PLA2G12A: variants seen among roughly 807,000 people sequenced by gnomAD.
PLA2G12A encodes group XIIA secretory phospholipase A2.
A neutral mutation model predicts 16.0 loss-of-function variants in PLA2G12A; 11 were observed. The observed-to-expected ratio is 0.69, with a 90% CI of 0.43 to 1.13. The LOEUF (loss-of-function observed/expected upper bound fraction) is 1.13. Ranked by LOEUF, PLA2G12A falls within the 50% of genes most tolerant of loss-of-function variation. The pLI is 0.00. For synonymous variants in PLA2G12A, 77 were observed against 93.8 expected, an observed-to-expected ratio of 0.82 and a Z score of 1.03; for missense variants, 214 against 237.3, an observed-to-expected ratio of 0.90 and a Z score of 0.65.
At chr4:109,718,856 T>C (rs1383803915) in intron 1 of PLA2G12A, 97 bp from the exon 2 acceptor site, 8 of 763,922 alleles carry the variant, frequency 1.0e-5, no homozygotes, top group East Asian at 2.8e-5. Context: ...CTTAGAAATA[T>C]GTAATATTTA....
chr4:109,718,820 C>A, intron 1 of PLA2G12A, 61 bp from the exon 2 acceptor site: 1 of 1,119,716 alleles, frequency 8.9e-7, no homozygotes, highest in Non-Finnish European at 1.3e-6. Flanking sequence ...AATACATACT[C>A]AAAAAGGTCA....
At chr4:109,716,232 T>C (rs1268372831) in intron 3 of PLA2G12A, among the ~76,000 whole-genome samples, 1 of 152,224 alleles carries the variant, frequency 6.6e-6, no homozygotes, top group African/African-American at 2.4e-5. Flanking sequence ...ACATGAATTA[T>C]TAGGATATTA....
chr4:109,720,597 AAAAAAAAATATATATATATATATATAT>A, intron 1 of PLA2G12A, among the ~76,000 whole-genome samples: 1 of 27,622 alleles, frequency 3.6e-5, no homozygotes, highest in South Asian at 1.5e-3. Context: ...AAAAAAAAAA[AAAAAAAAATATATATATATATATATAT>A]ATATATATAT....
intron 1 of PLA2G12A, 86 bp downstream of exon 1, chr4:109,729,516 T>C: frequency 7.1e-7 from 1 of 1,401,730 alleles, no homozygotes; most frequent in Admixed American, 2.0e-5. Flanking sequence ...AGGTCTGCCT[T>C]GCATCTGTCA....
rs748337330 is a variant in PLA2G12A at position 109,714,364 on chromosome 4, G to C, written c.*13C>G. On this transcript the variant is annotated 3_prime_UTR_variant, in exon 4 of 4. Coordinates refer to ENST00000243501, the MANE Select transcript of PLA2G12A (RefSeq NM_030821.5). ...CTTCCATCTTCATCTGTCACTAGCTGTCGGCATCTCCTTTAAAGATCAGTT... is the reference window on the plus strand; with the variant it reads ...CTTCCATCTTCATCTGTCACTAGCTCTCGGCATCTCCTTTAAAGATCAGTT... 4 of 1,518,604 alleles carry C rather than the reference G, an allele frequency of 2.6e-6. No individual in the cohort carries two copies. In the Admixed American group the frequency reaches 5.0e-5, roughly 19 times the overall value. 94.1% of individuals were successfully genotyped at this position (1,518,604 alleles called of 1,614,324 possible). A position where few individuals can be genotyped will look rare whatever the true frequency, so the allele number is the denominator to read the frequency against.
chr4:109,717,480 T>A, intron 3 of PLA2G12A, 68 bp downstream of exon 3: 1 of 1,478,382 alleles, frequency 6.8e-7, no homozygotes, highest in Non-Finnish European at 9.3e-7. Context: ...AATCCTATAC[T>A]AAAACATAGA....
chr4:109,717,092 C>T (rs1352377823), intron 3 of PLA2G12A, among the ~76,000 whole-genome samples: 2 of 152,154 alleles, frequency 1.3e-5, no homozygotes, highest in Non-Finnish European at 2.9e-5. Context: ...GAAAATGAGT[C>T]CTTATCAGAC....
At chr4:109,723,505 A>T (rs960953736) in intron 1 of PLA2G12A, among the ~76,000 whole-genome samples, 17 of 152,190 alleles carry the variant, frequency 1.1e-4, no homozygotes, top group Non-Finnish European at 1.2e-4. Flanking sequence ...AAGTCATCAA[A>T]TAGTAACCAG....
chr4:109,718,613 G>T, intron 2 of PLA2G12A, 70 bp downstream of exon 2: 2 of 1,158,464 alleles, frequency 1.7e-6, no homozygotes, highest in Non-Finnish European at 2.5e-6. Context: ...CATGCTGATA[G>T]TCTTATATCA....
chr4:109,721,836 G>A (rs746651099), intron 1 of PLA2G12A, among the ~76,000 whole-genome samples: 3 of 151,888 alleles, frequency 2.0e-5, no homozygotes, highest in South Asian at 2.1e-4. Flanking sequence ...ATGTTCTTAC[G>A]TTCTTATACC....
At position 109,714,387 on chromosome 4, in the gene PLA2G12A, G is replaced by GT. The variant is rs1023639887; in HGVS notation, c.559dup (p.Thr187AsnfsTer2). 1 of 1,610,590 alleles carries GT rather than the reference G, an allele frequency of 6.2e-7. No individual in the cohort carries two copies. Among genetic ancestry groups the GT allele is most frequent in the African/African-American group, 1.3e-5 (1 of 74,810 alleles). Reference sequence around the variant, plus strand: ...CTGTCGGCATCTCCTTTAAAGATCAGTTTTTTCTTCATAATGACACCTGCA... The same window carrying GT: ...CTGTCGGCATCTCCTTTAAAGATCAGTTTTTTTCTTCATAATGACACCTGCA... On this transcript the variant is annotated frameshift_variant, in exon 4 of 4. Coordinates refer to ENST00000243501, the MANE Select transcript of PLA2G12A (RefSeq NM_030821.5). LOFTEE classifies it high-confidence loss of function.
chr4:109,720,778 T>C (rs1002716700), intron 1 of PLA2G12A, among the ~76,000 whole-genome samples: 3 of 149,898 alleles, frequency 2.0e-5, no homozygotes, highest in African/African-American at 7.4e-5. Flanking sequence ...GATATAAAGC[T>C]ATAGCCTGGG....
At chr4:109,724,870 G>A (rs1579126521) in intron 1 of PLA2G12A, among the ~76,000 whole-genome samples, 1 of 152,240 alleles carries the variant, frequency 6.6e-6, no homozygotes, top group Middle Eastern at 3.4e-3. Flanking sequence ...TACTGTACAT[G>A]AAAAACTGGA....
rs1730695904 is a variant in PLA2G12A, at chr4:109,710,189, T to A, written c.*4188A>T. On this transcript the variant is annotated 3_prime_UTR_variant, in exon 4 of 4. Transcript: ENST00000243501. ...ATCAATATATTGCAAGTAATTTCTA[T>A]GAATTTTGAACAATACAATGTAGTG... The A allele has an allele frequency of 1.3e-5, 2 of 152,230 alleles. No homozygotes were observed. Among genetic ancestry groups the A allele is most frequent in the South Asian group, 4.1e-4 (2 of 4,832 alleles). The allele number at this position is 152,230 out of a possible 1,614,324, so 9.4% of individuals were successfully genotyped here. A position where few individuals can be genotyped will look rare whatever the true frequency, so the allele number is the denominator to read the frequency against.
In PLA2G12A at chr4:109,711,542, A is replaced by C. The variant is rs1426377439; in HGVS notation, c.*2835T>G. The C allele has an allele frequency of 6.6e-6, 1 of 152,246 alleles. No individual in the cohort carries two copies. Among genetic ancestry groups the C allele is most frequent in the African/African-American group, 2.4e-5 (1 of 41,460 alleles). 9.4% of individuals were successfully genotyped at this position (152,246 alleles called of 1,614,324 possible). On this transcript the variant is annotated 3_prime_UTR_variant, in exon 4 of 4. Coordinates refer to ENST00000243501, the MANE Select transcript of PLA2G12A (RefSeq NM_030821.5). ...CCTAATAGCCAAGCTGGACAACTTAAGCAACAAAATAAATACTGTGTTACC... is the reference window on the plus strand; with the variant it reads ...CCTAATAGCCAAGCTGGACAACTTACGCAACAAAATAAATACTGTGTTACC...
In PLA2G12A at chr4:109,729,570, C is replaced by T. The variant is rs756654232; in HGVS notation, c.208+32G>A. 4.4e-6 allele frequency: 7 copies of T among 1,593,982 alleles called. No individual in the cohort carries two copies. The African/African-American group carries it at 6.7e-5, about 15-fold the overall frequency. ...CCGTCACCCCAATCCCCCGAAAGCA[C>T]GAGCCCTCGCTGGGCCCGGGTGCCC... On this transcript the variant is annotated intron_variant, in intron 1 of 3. Transcript: ENST00000243501.
At position 109,725,669 on chromosome 4, in the gene PLA2G12A, T is replaced by C. The variant is rs1722921163; in HGVS notation, c.208+3933A>G. ...TTCTCTTGATTGTTTATCATTTGTA[T>C]GGACTGCAGAAATCTAAAGATTTTC... On this transcript the variant is annotated intron_variant, in intron 1 of 3. Transcript: ENST00000243501. 5.9e-5 allele frequency among the ~76,000 whole-genome samples: 9 copies of C among 152,226 alleles called. No homozygotes were observed. In the South Asian group the frequency reaches 1.9e-3, roughly 31 times the overall value.
intron 3 of PLA2G12A, among the ~76,000 whole-genome samples, chr4:109,716,998 T>C (rs1730838691): frequency 6.6e-6 from 1 of 152,222 alleles, no homozygotes; most frequent in Non-Finnish European, 1.5e-5. Flanking sequence ...ATGTGATTAG[T>C]GCTCTTATAA....
At position 109,710,031 on chromosome 4, in the gene PLA2G12A, G is replaced by A. The variant is rs1017058813; in HGVS notation, c.*4346C>T. On this transcript the variant is annotated 3_prime_UTR_variant, in exon 4 of 4. Transcript: ENST00000243501. ...TAATAATTATTATTTTTCGTATACCGGTTGCACTGATTCATTTTTGCTCTT... is the reference window on the plus strand; with the variant it reads ...TAATAATTATTATTTTTCGTATACCAGTTGCACTGATTCATTTTTGCTCTT... The A allele has an allele frequency of 2.0e-5, 3 of 152,000 alleles. No individual in the cohort carries two copies. The highest frequency in any genetic ancestry group is 4.4e-5 in the Non-Finnish European group (3 of 68,006). 9.4% of individuals were successfully genotyped at this position (152,000 alleles called of 1,614,324 possible).
Sources: gnomAD v4.1 joint callset for allele counts (sites outside exome capture counted in the v4.1 genomes callset) on GRCh38, gnomAD v4.1.1 for gene constraint, MANE v1.5 for transcripts, NCBI Gene and HGNC (gene_info 2026-07-23, HGNC 2026-07-21) for gene names.